FAM135A: variants seen among roughly 807,000 people sequenced by gnomAD.
FAM135A encodes the protein family with sequence similarity 135 member A.
In FAM135A, 79 loss-of-function variants were observed where a neutral mutation model predicts 146.8. The observed-to-expected ratio is 0.54, with a 90% confidence interval of 0.45 to 0.65. The LOEUF is 0.65. Among genes scored for constraint, FAM135A ranks in the 30% least tolerant of loss-of-function variants. The probability of loss-of-function intolerance (pLI) is 0.00; values close to 1 mark genes in which losing one functional copy is unlikely to be tolerated. For missense variants in FAM135A, 1,623 were observed against 1,758.2 expected, an observed-to-expected ratio of 0.92 and a Z score of 1.38; for synonymous variants, 562 against 603.6, an observed-to-expected ratio of 0.93 and a Z score of 1.01.
At chr6:70,430,177 A>T (rs1464670680) in intron 4 of FAM135A, among the ~76,000 whole-genome samples, 3 of 152,014 alleles carry the variant, frequency 2.0e-5, no homozygotes, top group African/African-American at 7.2e-5. Context: ...TCTCTACTAA[A>T]AATATAAAAA....
At chr6:70,429,900 A>G (rs942713047) in intron 4 of FAM135A, among the ~76,000 whole-genome samples, 4 of 144,778 alleles carry the variant, frequency 2.8e-5, no homozygotes, top group South Asian at 2.2e-4. Context: ...GAGATTCTCT[A>G]TTTTTTTTTT....
At position 70,508,596 on chromosome 6, in the gene FAM135A, C is replaced by T. The variant is rs371986307; in HGVS notation, c.1029+5805C>T. ...TTGTGCTTTGTGCTAGCATTGCTGCCCTAACCAAGCTTTTGTTAGGGTTAG... is the reference window on the plus strand; with the variant it reads ...TTGTGCTTTGTGCTAGCATTGCTGCTCTAACCAAGCTTTTGTTAGGGTTAG... On this transcript the variant is annotated intron_variant, in intron 12 of 21. Transcript: ENST00000418814. Among the ~76,000 whole-genome samples, 4 of 152,152 alleles carry T rather than the reference C, an allele frequency of 2.6e-5. No homozygotes were observed. In the East Asian group the frequency reaches 5.8e-4, roughly 22 times the overall value.
Position 70,528,487 on chromosome 6 carries a change from T to G in FAM135A, c.3775+35T>G, listed in dbSNP as rs963113386. 5 of 1,437,666 alleles carry G rather than the reference T, an allele frequency of 3.5e-6. No homozygotes were observed. The South Asian group carries it at 8.9e-5, about 25-fold the overall frequency. The allele number at this position is 1,437,666 out of a possible 1,614,324, so 89.1% of individuals were successfully genotyped here. The stretch of plus-strand genomic sequence containing the variant: ...ATCTATGGATGTAACCCAGAGCAAC[T>G]CAATATATTTTTTTCCTAATAGATC... On this transcript the variant is annotated intron_variant, in intron 16 of 21. Coordinates refer to ENST00000418814, the MANE Select transcript of FAM135A (RefSeq NM_001162529.3).
chr6:70,528,495 T>C, intron 16 of FAM135A, 43 bp downstream of exon 16: 1 of 1,412,506 alleles, frequency 7.1e-7, no homozygotes, highest in Non-Finnish European at 9.3e-7. Context: ...ACTCAATATA[T>C]TTTTTTCCTA....
In FAM135A at chr6:70,536,274, C is replaced by T. The variant is rs975809246; in HGVS notation, c.3980C>T (p.Ser1327Leu). Residue 1327 changes from serine to leucine, a missense_variant, in exon 19 of 22, where the codon TCG becomes TTG. This residue lies in a region of FAM135A where 1,061 missense variants were observed against 1,113.8 expected (regional missense o/e 0.95). Coordinates refer to ENST00000418814, the MANE Select transcript of FAM135A (RefSeq NM_001162529.3). ...TVSKISFIGH[S>L]LGNLIIRSVL... ...TCCTCTTAAAGCTTTATTGGACATTCGTTGGGCAATTTAATAATTCGTTCA... is the reference window on the plus strand; with the variant it reads ...TCCTCTTAAAGCTTTATTGGACATTTGTTGGGCAATTTAATAATTCGTTCA... The T allele has an allele frequency of 5.0e-6, 8 of 1,606,416 alleles. No individual in the cohort carries two copies. The highest frequency in any genetic ancestry group is 1.7e-5 in the Admixed American group (1 of 58,176).
intron 5 of FAM135A, among the ~76,000 whole-genome samples, chr6:70,463,798 G>C (rs572472151): frequency 1.1e-4 from 16 of 152,286 alleles, no homozygotes; most frequent in African/African-American, 3.4e-4. Flanking sequence ...TTAGGTCCTT[G>C]AATTAAACTG....
intron 10 of FAM135A, among the ~76,000 whole-genome samples, chr6:70,484,756 A>G (rs1472321416): frequency 6.6e-6 from 1 of 152,164 alleles, no homozygotes; most frequent in East Asian, 1.9e-4. Context: ...CCTGCTGCTC[A>G]CCTCCTGCTG....
At chr6:70,486,881 C>T (rs928074698) in intron 10 of FAM135A, among the ~76,000 whole-genome samples, 4 of 151,978 alleles carry the variant, frequency 2.6e-5, no homozygotes, top group African/African-American at 9.7e-5. Context: ...GAGCCGAGAT[C>T]GTGCCATTGC....
intron 4 of FAM135A, among the ~76,000 whole-genome samples, chr6:70,440,503 A>G (rs923223390): frequency 3.3e-5 from 5 of 152,168 alleles, no homozygotes; most frequent in Non-Finnish European, 7.3e-5. Flanking sequence ...CCTGGCCAAC[A>G]TGGTGAAACC....
intron 4 of FAM135A, among the ~76,000 whole-genome samples, chr6:70,442,240 T>TTG (rs1491274514): frequency 1.2e-4 from 17 of 137,900 alleles, no homozygotes; most frequent in African/African-American, 3.6e-4. Context: ...TCTTCATGGG[T>TTG]TTTTTTTTTT....
intron 10 of FAM135A, among the ~76,000 whole-genome samples, chr6:70,489,661 A>G (rs2128213367): frequency 6.6e-6 from 1 of 152,310 alleles, no homozygotes; most frequent in East Asian, 1.9e-4. Context: ...TCTATGAAGA[A>G]TACATGATTA....
chr6:70,525,185 T>G lies in FAM135A; in HGVS notation c.2101T>G (p.Ser701Ala), dbSNP rs1794434929. The change falls in exon 15 of 22, where the codon TCT becomes GCT. Residue 701 changes from serine (S) to alanine (A), a missense_variant. Coordinates refer to ENST00000418814, the MANE Select transcript of FAM135A (RefSeq NM_001162529.3). ...NLLPNFESLE[S>A]NGKSKSIEIT... is the part of the protein sequence containing the mutation. Reference sequence around the variant, plus strand: ...ACTACCCAACTTTGAGTCCTTAGAATCTAATGGTAAATCTAAATCTATAGA... The same window carrying G: ...ACTACCCAACTTTGAGTCCTTAGAAGCTAATGGTAAATCTAAATCTATAGA... 1.9e-6 allele frequency: 3 copies of G among 1,593,880 alleles called. No individual in the cohort carries two copies. The highest frequency in any genetic ancestry group is 2.6e-6 in the Non-Finnish European group (3 of 1,173,246).
At chr6:70,421,085 T>A (rs935516004) in intron 2 of FAM135A, among the ~76,000 whole-genome samples, 2 of 152,174 alleles carry the variant, frequency 1.3e-5, no homozygotes, top group African/African-American at 2.4e-5. Flanking sequence ...TTTTGCCATG[T>A]TGCCCAGGCT....
chr6:70,507,004 G>T (rs529961703), intron 12 of FAM135A, among the ~76,000 whole-genome samples: 43 of 151,992 alleles, frequency 2.8e-4, no homozygotes, highest in African/African-American at 1.0e-3. Context: ...ACACAACTTT[G>T]AGAAGAAGGG....
chr6:70,486,415 A>T (rs976931333), intron 10 of FAM135A, among the ~76,000 whole-genome samples: 4 of 152,326 alleles, frequency 2.6e-5, no homozygotes, highest in African/African-American at 9.6e-5. Context: ...AATTTTGGTT[A>T]ATTTCCTAAT....
intron 11 of FAM135A, among the ~76,000 whole-genome samples, chr6:70,499,516 T>C (rs1284998244): frequency 6.6e-6 from 1 of 152,238 alleles, no homozygotes; most frequent in Non-Finnish European, 1.5e-5. Flanking sequence ...AATTTGATCT[T>C]GTCATCATGA....
At chr6:70,416,466 AG>A (rs1767603939) in intron 2 of FAM135A, among the ~76,000 whole-genome samples, 2 of 152,320 alleles carry the variant, frequency 1.3e-5, no homozygotes, top group South Asian at 4.1e-4. Flanking sequence ...GGGGTAGAAA[AG>A]CCAAGGATTT....
chr6:70,433,323 C>A (rs980904572), intron 4 of FAM135A, among the ~76,000 whole-genome samples: 2 of 152,094 alleles, frequency 1.3e-5, no homozygotes, highest in Non-Finnish European at 2.9e-5. Flanking sequence ...ATCCGCCCGC[C>A]TCGGCGTCCC....
chr6:70,508,956 C>T (rs773874862), intron 12 of FAM135A, among the ~76,000 whole-genome samples: 21 of 152,074 alleles, frequency 1.4e-4, no homozygotes, highest in Non-Finnish European at 2.5e-4. Flanking sequence ...AAGAAGAAAA[C>T]AAATTTTAAG....
Sources: allele counts gnomAD v4.1 joint callset (sites outside exome capture counted in the v4.1 genomes callset), GRCh38; gene constraint gnomAD v4.1.1; regional missense constraint gnomAD v4.1.1; transcripts MANE v1.5; gene names NCBI Gene and HGNC (gene_info 2026-07-23, HGNC 2026-07-21).